Variants in SCML4 observed in about 807,000 individuals in gnomAD.
SCML4 encodes the protein sex comb on midleg-like protein 4.
Under a neutral mutation model 41.1 loss-of-function variants are expected in SCML4, and 34 were observed. The observed-to-expected ratio is 0.83, with a 90% CI of 0.63 to 1.10. SCML4 has a LOEUF of 1.10. Ranked by LOEUF, SCML4 falls within the 50% of genes least tolerant of loss-of-function variation. The probability of loss-of-function intolerance (pLI) is 0.00; values close to 1 mark genes in which losing one functional copy is unlikely to be tolerated. For synonymous variants in SCML4, 214 were observed against 220.9 expected (o/e 0.97, Z 0.28); for missense variants, 522 against 534.1 (o/e 0.98, Z 0.22).
rs367969348 is a variant in SCML4, at chr6:107,742,095, A to T, written c.682+2854T>A. On this transcript the variant is annotated intron_variant, in intron 5 of 7. Coordinates refer to ENST00000369020, the MANE Select transcript of SCML4 (RefSeq NM_198081.5). ...ATTTAACAAAGAGATTGAAATAATTAAAAAAAATCAAACAGAAATATTCAA... is the reference window on the plus strand; with the variant it reads ...ATTTAACAAAGAGATTGAAATAATTTAAAAAAATCAAACAGAAATATTCAA... Among the ~76,000 whole-genome samples, 89 of 150,996 alleles carry T rather than the reference A, an allele frequency of 5.9e-4. 1 individual carries two copies. Among genetic ancestry groups the T allele is most frequent in the South Asian group, 8.4e-4 (4 of 4,740 alleles).
At chr6:107,707,788 C>T (rs947591261) in intron 7 of SCML4, 78 bp downstream of exon 7, 55 of 1,532,450 alleles carry the variant, frequency 3.6e-5, no homozygotes, top group Admixed American at 3.1e-4. Context: ...GGCAGCATCC[C>T]GCAGCTCCCT....
chr6:107,770,539 G>C (rs1425826307), intron 2 of SCML4, among the ~76,000 whole-genome samples: 1 of 152,164 alleles, frequency 6.6e-6, no homozygotes, highest in Non-Finnish European at 1.5e-5. Context: ...AAGAGGAGTG[G>C]CCTACTTCCC....
At chr6:107,835,095 C>T in the SCML4 span, among the ~76,000 whole-genome samples, 2 of 151,872 alleles carry the variant, frequency 1.3e-5, no homozygotes, top group African/African-American at 2.4e-5. Flanking sequence ...CTCAGTGGCT[C>T]GCGGCCTGTA....
Position 107,749,690 on chromosome 6 carries a change from G to A in SCML4, c.280C>T (p.Leu94Phe), listed in dbSNP as rs1264544905. Reference protein sequence around the residue: ...TVPSLAAPQALTVCLYINKQA... With the variant: ...TVPSLAAPQAFTVCLYINKQA... ...GTTCATTCTGCTGACCTACCTGTGA[G>A]AGCCTGTGGGGCCGCCAAGCTGGGG... Residue 94 changes from leucine to phenylalanine, a missense_variant, in exon 3 of 8, where the codon CTC (leucine) becomes TTC (phenylalanine). Leu to Phe is a conservative substitution (Grantham distance 22). Transcript: ENST00000369020. The A allele has an allele frequency of 2.5e-6, 4 of 1,613,928 alleles. No individual in the cohort carries two copies.
At chr6:107,829,832 G>T in the SCML4 span, among the ~76,000 whole-genome samples, 2 of 152,138 alleles carry the variant, frequency 1.3e-5, no homozygotes, top group Non-Finnish European at 2.9e-5. Context: ...ATTAGTAACA[G>T]AATTTTTCCT....
At chr6:107,841,713 G>T in the SCML4 span, among the ~76,000 whole-genome samples, 1 of 152,154 alleles carries the variant, frequency 6.6e-6, no homozygotes, top group African/African-American at 2.4e-5. Context: ...CTTTAAAAAT[G>T]ACATAAATAG....
chr6:107,734,372 A>G (rs190709024), intron 5 of SCML4, among the ~76,000 whole-genome samples: 10 of 152,344 alleles, frequency 6.6e-5, no homozygotes, highest in Admixed American at 5.2e-4. Flanking sequence ...ACTCTAGTTC[A>G]TATTGAAGAT....
chr6:107,821,176 C>T (rs1004783043), intron 1 of SCML4, among the ~76,000 whole-genome samples: 2 of 152,050 alleles, frequency 1.3e-5, no homozygotes, highest in Non-Finnish European at 2.9e-5. Flanking sequence ...GCTTTTGTGA[C>T]TCATTAATTA....
At chr6:107,769,731 T>C (rs1489229205) in intron 2 of SCML4, among the ~76,000 whole-genome samples, 1 of 152,212 alleles carries the variant, frequency 6.6e-6, no homozygotes, top group Non-Finnish European at 1.5e-5. Flanking sequence ...TATTTCTCTC[T>C]TGTTAGTATA....
intron 1 of SCML4, among the ~76,000 whole-genome samples, chr6:107,808,512 T>A (rs1426343891): frequency 6.6e-6 from 1 of 151,986 alleles, no homozygotes; most frequent in East Asian, 1.9e-4. Context: ...CCTCAAGTGA[T>A]CCTCCCACCG....
chr6:107,813,146 T>C (rs908631012), intron 1 of SCML4, among the ~76,000 whole-genome samples: 1 of 151,404 alleles, frequency 6.6e-6, no homozygotes. Context: ...GAGGATGGCT[T>C]GAGTTCAGGA....
intron 5 of SCML4, among the ~76,000 whole-genome samples, chr6:107,735,460 G>GC (rs542947216): frequency 2.0e-5 from 3 of 150,250 alleles, no homozygotes; most frequent in African/African-American, 7.4e-5. Context: ...TTCCAGTTCT[G>GC]TTTTTTTTTC....
chr6:107,768,129 C>T (rs1264057351), intron 2 of SCML4, among the ~76,000 whole-genome samples: 1 of 151,700 alleles, frequency 6.6e-6, no homozygotes, highest in African/African-American at 2.4e-5. Flanking sequence ...AAAAAGTAGC[C>T]AGGCATGGTG....
At chr6:107,821,451 G>A (rs1784937327) in intron 1 of SCML4, among the ~76,000 whole-genome samples, 1 of 152,212 alleles carries the variant, frequency 6.6e-6, no homozygotes, top group East Asian at 1.9e-4. Flanking sequence ...CCAAAAGAAA[G>A]AAGCTTGTGT....
Position 107,746,559 on chromosome 6 carries a change from AAAGACCCTAGGAGCCCAGCAGATG to A in SCML4, c.487+106_487+129del, listed in dbSNP as rs1240383829. 4.3e-5 allele frequency: 32 copies of A among 749,758 alleles called. No individual in the cohort carries two copies. In the African/African-American group the frequency reaches 4.7e-4, roughly 11 times the overall value. 46.4% of individuals were successfully genotyped at this position (749,758 alleles called of 1,614,324 possible). A position where few individuals can be genotyped will look rare whatever the true frequency, so the allele number is the denominator to read the frequency against. On this transcript the variant is annotated intron_variant, in intron 4 of 7. Coordinates refer to ENST00000369020, the MANE Select transcript of SCML4 (RefSeq NM_198081.5). Reference sequence around the variant, plus strand: ...AGAGGCTTTTAGCTCACAGGCTCATAAAGACCCTAGGAGCCCAGCAGATGAAGGACAGACCCTGGCCACACCTGC... The same window carrying A: ...AGAGGCTTTTAGCTCACAGGCTCATAAAGGACAGACCCTGGCCACACCTGC...
intron 4 of SCML4, chr6:107,745,399 A>C: frequency 2.3e-6 from 1 of 432,982 alleles, no homozygotes. Context: ...GTTTTTCATC[A>C]CTCTAATAGC....
At chr6:107,796,565 T>G (rs1474287700) in intron 1 of SCML4, among the ~76,000 whole-genome samples, 1 of 152,200 alleles carries the variant, frequency 6.6e-6, no homozygotes, top group Non-Finnish European at 1.5e-5. Context: ...ATATAAGTAC[T>G]GAAAACCTCT....
At chr6:107,751,626 CTTT>C (rs1562218884) in intron 2 of SCML4, among the ~76,000 whole-genome samples, 51 of 145,834 alleles carry the variant, frequency 3.5e-4, no homozygotes, top group African/African-American at 1.1e-3. Flanking sequence ...TTCTTTCTTT[CTTT>C]CTTTCTTTCT....
At chr6:107,758,559 T>A (rs1329794208) in intron 2 of SCML4, among the ~76,000 whole-genome samples, 1 of 152,190 alleles carries the variant, frequency 6.6e-6, no homozygotes, top group South Asian at 2.1e-4. Context: ...TTAAAATGAG[T>A]GCATACTGCA....
Sources: allele counts gnomAD v4.1 joint callset (sites outside exome capture counted in the v4.1 genomes callset), GRCh38; gene constraint gnomAD v4.1.1; transcripts MANE v1.5; gene names NCBI Gene and HGNC (gene_info 2026-07-23, HGNC 2026-07-21).